The following TRIM37 variants were observed in gnomAD, a reference collection of about 807,000 sequenced individuals.
TRIM37 encodes tripartite motif containing 37.
Under a neutral mutation model 129.8 loss-of-function variants are expected in TRIM37, and 80 were observed. The observed-to-expected ratio is 0.62, with a 90% CI of 0.51 to 0.74. TRIM37 has a LOEUF of 0.74. TRIM37 is among the 30% of genes least tolerant of loss of function. The probability of loss-of-function intolerance (pLI) is 0.00; values close to 1 mark genes in which losing one functional copy is unlikely to be tolerated. For synonymous variants in TRIM37, 389 were observed against 387.1 expected (o/e 1.00, Z -0.06); for missense variants, 1,054 against 1,176.5 (o/e 0.90, Z 1.52).
intron 13 of TRIM37, among the ~76,000 whole-genome samples, chr17:59,055,538 C>A (rs1307435463): frequency 6.6e-6 from 1 of 151,054 alleles, no homozygotes; most frequent in Non-Finnish European, 1.5e-5. Context: ...ACTAAAAATA[C>A]AAAAACAAAA....
At chr17:59,025,607 G>GT (rs1034112452) in intron 19 of TRIM37, among the ~76,000 whole-genome samples, 24 of 151,966 alleles carry the variant, frequency 1.6e-4, no homozygotes, top group Non-Finnish European at 2.9e-5. Flanking sequence ...AAGTCCCACC[G>GT]TAAGACCTGC....
chr17:59,080,456 C>T lies in TRIM37; in HGVS notation c.493-579G>A, dbSNP rs750203854. Among the ~76,000 whole-genome samples the T allele has an allele frequency of 1.2e-4, 18 of 152,286 alleles. No individual in the cohort carries two copies. The Middle Eastern group carries it at 0.01, about 86-fold the overall frequency. On this transcript the variant is annotated intron_variant, in intron 6 of 23. Transcript: ENST00000262294. The stretch of plus-strand genomic sequence containing the variant: ...AGCTGGGGATCCAAAGAGTGTATAA[C>T]TTAATGAATGACTGTAAAAGTCAAT...
chr17:59,049,132 T>C, intron 15 of TRIM37, 46 bp downstream of exon 15: 1 of 1,512,042 alleles, frequency 6.6e-7, no homozygotes, highest in Non-Finnish European at 9.2e-7. Context: ...ATGCTACTGT[T>C]TTTTTTTAAT....
At chr17:59,047,916 C>G (rs1431596370) in intron 15 of TRIM37, 97 bp from the exon 16 acceptor site, 1 of 1,471,862 alleles carries the variant, frequency 6.8e-7, no homozygotes, top group Non-Finnish European at 9.4e-7. Context: ...AAGAATAATA[C>G]AGTTTTCAAA....
chr17:59,079,534 G>T (rs1278781774), intron 7 of TRIM37, among the ~76,000 whole-genome samples: 1 of 152,046 alleles, frequency 6.6e-6, no homozygotes, highest in African/African-American at 2.4e-5. Flanking sequence ...TCATCCAAAT[G>T]GCTATGAAAA....
At chr17:59,075,560 T>C (rs1233321185) in intron 8 of TRIM37, 87 bp downstream of exon 8, 3 of 705,074 alleles carry the variant, frequency 4.3e-6, no homozygotes, top group African/African-American at 2.8e-5. Flanking sequence ...AGAGACTCCA[T>C]CTCAAAAAAA....
At chr17:59,040,146 T>A (rs1217253343) in intron 17 of TRIM37, among the ~76,000 whole-genome samples, 1 of 152,070 alleles carries the variant, frequency 6.6e-6, no homozygotes, top group African/African-American at 2.4e-5. Context: ...ACTCAAGCGA[T>A]GCACCCACAT....
intron 22 of TRIM37, among the ~76,000 whole-genome samples, chr17:59,011,925 TG>T (rs1453155658): frequency 6.6e-6 from 1 of 152,240 alleles, no homozygotes; most frequent in East Asian, 1.9e-4. Flanking sequence ...AATTCAACTT[TG>T]TATTAATAAA....
At chr17:58,994,816 C>T (rs2032817607), downstream of TRIM37, among the ~76,000 whole-genome samples, 1 of 150,980 alleles carries the variant, frequency 6.6e-6, no homozygotes, top group African/African-American at 2.4e-5. Context: ...ATGGCACGAT[C>T]TCGGCTCACT....
At chr17:59,015,835 TG>T (rs1205923079) in intron 20 of TRIM37, 36 bp from the exon 21 acceptor site, 1 of 1,602,746 alleles carries the variant, frequency 6.2e-7, no homozygotes, top group East Asian at 2.2e-5. Context: ...AAAAATTAGC[TG>T]GGCATGGTGG....
At chr17:59,019,221 GATA>G (rs2036292247) in intron 19 of TRIM37, among the ~76,000 whole-genome samples, 1 of 152,154 alleles carries the variant, frequency 6.6e-6, no homozygotes. Flanking sequence ...CAGCACTACT[GATA>G]ATAGCCAAAA....
At chr17:58,991,100 A>G (rs985735552) in intron 24 of TRIM37, among the ~76,000 whole-genome samples, 13 of 146,780 alleles carry the variant, frequency 8.9e-5, no homozygotes, top group Admixed American at 6.9e-4. Flanking sequence ...ATTTAAACCC[A>G]GGAGGCGGAG....
intron 3 of TRIM37, chr17:59,089,980 G>C (rs2044145162): frequency 6.6e-6 from 1 of 152,086 alleles, no homozygotes; most frequent in Admixed American, 6.6e-5. Flanking sequence ...CACACCAGTG[G>C]TCCCAGTTAG....
chr17:58,995,400 T>G (rs2032885863), downstream of TRIM37, among the ~76,000 whole-genome samples: 1 of 139,158 alleles, frequency 7.2e-6, no homozygotes. Flanking sequence ...AGCAAAGAAA[T>G]GCTTAAAAAA....
In TRIM37 at chr17:58,998,634, A is replaced by G; in HGVS notation, c.*743T>C. 1.0e-6 allele frequency: 1 copy of G among 985,420 alleles called. No individual in the cohort carries two copies. The allele number at this position is 985,420 out of a possible 1,614,324, so 61.0% of individuals were successfully genotyped here. On this transcript the variant is annotated 3_prime_UTR_variant, in exon 24 of 24. Transcript: ENST00000262294. The stretch of plus-strand genomic sequence containing the variant: ...GGCTTTAAAATATTTGTTGCACTAC[A>G]GTCGTATAGTAAGAGGCAGAAAAAA...
At chr17:58,987,519 G>A (rs539222526) in intron 24 of TRIM37, among the ~76,000 whole-genome samples, 2 of 152,324 alleles carry the variant, frequency 1.3e-5, no homozygotes, top group Admixed American at 6.5e-5. Context: ...AGAGCAGCCC[G>A]TACTACTGAT....
intron 17 of TRIM37, among the ~76,000 whole-genome samples, chr17:59,032,322 G>C (rs574900121): frequency 6.6e-6 from 1 of 151,086 alleles, no homozygotes. Flanking sequence ...TCAGGAGATC[G>C]AGACCATCCT....
At chr17:58,987,248 C>T (rs913441785) in intron 24 of TRIM37, among the ~76,000 whole-genome samples, 49 of 152,190 alleles carry the variant, frequency 3.2e-4, no homozygotes, top group African/African-American at 1.1e-3. Context: ...GTTGTCCCTG[C>T]TAGTCATTAC....
chr17:59,008,339 A>G (rs987635839), intron 22 of TRIM37, among the ~76,000 whole-genome samples: 1 of 152,264 alleles, frequency 6.6e-6, no homozygotes, highest in Non-Finnish European at 1.5e-5. Flanking sequence ...ATATAAAGAT[A>G]AAATGTGTTA....
Sources: gnomAD v4.1 joint callset for allele counts (sites outside exome capture counted in the v4.1 genomes callset) on GRCh38, gnomAD v4.1.1 for gene constraint, MANE v1.5 for transcripts, NCBI Gene and HGNC (gene_info 2026-07-23, HGNC 2026-07-21) for gene names.